The following CCSER2 variants were observed in gnomAD, a reference collection of about 807,000 sequenced individuals.
CCSER2 encodes the protein coiled-coil serine rich protein 2.
A neutral mutation model predicts 92.3 loss-of-function variants in CCSER2; 46 were observed. The observed-to-expected ratio is 0.50, with a 90% CI of 0.39 to 0.64. CCSER2 has a LOEUF of 0.64. CCSER2 is among the 30% of genes least tolerant of loss of function. The pLI, the probability that CCSER2 is intolerant of heterozygous loss-of-function variation, is 0.00. For synonymous variants in CCSER2, 433 were observed against 431.4 expected, an observed-to-expected ratio of 1.00 and a Z score of -0.04; for missense variants, 1,244 against 1,238.9, an observed-to-expected ratio of 1.00 and a Z score of -0.06.
At chr10:84,391,781 A>T in intron 3 of CCSER2, 2 of 1,566,312 alleles carry the variant, frequency 1.3e-6, no homozygotes, top group Non-Finnish European at 8.8e-7. Flanking sequence ...TTTCTGAGAA[A>T]CATAAGAGAC....
chr10:84,447,065 A>G (rs996084235), intron 6 of CCSER2, among the ~76,000 whole-genome samples: 5 of 149,284 alleles, frequency 3.3e-5, no homozygotes, highest in Admixed American at 6.7e-5. Context: ...TAATATTCCT[A>G]TGAACATTTT....
In CCSER2 at chr10:84,502,388, T is replaced by C. The variant is rs1001924354; in HGVS notation, c.2326-11061T>C. ...ACTTCTTTTTTTTTTTTTTTTTTTT[T>C]GAGACAAGAGTCTTGCTCTGTTGCC... On this transcript the variant is annotated intron_variant, in intron 9 of 9. Coordinates refer to ENST00000372088, the MANE Select transcript of CCSER2 (RefSeq NM_001284240.2). 2.2e-3 allele frequency among the ~76,000 whole-genome samples: 316 copies of C among 144,032 alleles called. 1 individual carries two copies. Among genetic ancestry groups the C allele is most frequent in the African/African-American group, 7.5e-3 (300 of 40,124 alleles). 94.5% of individuals were successfully genotyped at this position (144,032 alleles called of 152,430 possible). A position where few individuals can be genotyped will look rare whatever the true frequency, so the allele number is the denominator to read the frequency against.
intron 3 of CCSER2, among the ~76,000 whole-genome samples, chr10:84,406,086 C>T (rs1272829636): frequency 2.0e-5 from 3 of 152,174 alleles, no homozygotes; most frequent in Non-Finnish European, 4.4e-5. Context: ...ACTGTACATT[C>T]GCAGTGGAAT....
At chr10:84,512,395 T>TGTGTGAGA (rs1554872145) in intron 9 of CCSER2, among the ~76,000 whole-genome samples, 1 of 129,740 alleles carries the variant, frequency 7.7e-6, no homozygotes, top group African/African-American at 2.8e-5. Context: ...TGTGTGTGTG[T>TGTGTGAGA]GAGAGAGAGA....
Position 84,358,665 on chromosome 10 carries a change from TAC to T in CCSER2, c.-39-12347_-39-12346del, listed in dbSNP as rs200258694. On this transcript the variant is annotated intron_variant, in intron 1 of 9. Transcript: ENST00000372088. ...ATATATGTGTATATATATATACATA[TAC>T]ATATATGTATATATATATACACACA... Among the ~76,000 whole-genome samples, 420 of 147,498 alleles carry T rather than the reference TAC, an allele frequency of 2.8e-3. 2 individuals carry two copies. Among genetic ancestry groups the T allele is most frequent in the African/African-American group, 9.3e-3 (372 of 40,026 alleles).
intron 6 of CCSER2, among the ~76,000 whole-genome samples, chr10:84,456,979 G>T (rs1845662692): frequency 6.6e-6 from 1 of 150,766 alleles, no homozygotes; most frequent in African/African-American, 2.4e-5. Flanking sequence ...CCTTTATTAG[G>T]TATGTAAGTG....
chr10:84,473,100 T>C (rs1846917254), intron 8 of CCSER2: 1 of 152,226 alleles, frequency 6.6e-6, no homozygotes, highest in Non-Finnish European at 1.5e-5. Context: ...TAAGAAATAT[T>C]GAAGAGCATC....
At chr10:84,494,896 C>A (rs1296976235) in intron 9 of CCSER2, among the ~76,000 whole-genome samples, 2 of 151,966 alleles carry the variant, frequency 1.3e-5, no homozygotes, top group Admixed American at 6.6e-5. Flanking sequence ...TTGGGTGAGT[C>A]CACAGAGTAA....
intron 3 of CCSER2, among the ~76,000 whole-genome samples, chr10:84,388,519 T>G (rs1366176264): frequency 6.6e-6 from 1 of 152,190 alleles, no homozygotes; most frequent in Non-Finnish European, 1.5e-5. Context: ...TTGTACCTAT[T>G]AAAAAGTGAC....
intron 5 of CCSER2, among the ~76,000 whole-genome samples, chr10:84,437,851 T>C (rs1011576714): frequency 6.6e-5 from 10 of 152,082 alleles, no homozygotes; most frequent in Non-Finnish European, 1.2e-4. Context: ...TAACTAGGAT[T>C]ACAGGCACGT....
At chr10:84,397,494 G>C (rs367863083) in intron 3 of CCSER2, among the ~76,000 whole-genome samples, 142 of 152,236 alleles carry the variant, frequency 9.3e-4, no homozygotes, top group African/African-American at 3.3e-3. Flanking sequence ...TAAAGGAATT[G>C]AGGTCACTCA....
chr10:84,404,250 A>G, intron 3 of CCSER2, among the ~76,000 whole-genome samples: 1 of 152,180 alleles, frequency 6.6e-6, no homozygotes. Context: ...CTGTAATTTC[A>G]CTATGCCAAC....
Position 84,372,231 on chromosome 10 carries a change from T to C in CCSER2, c.1179T>C (p.Asp393=), listed in dbSNP as rs776124140. The change falls in exon 2 of 10, where the codon GAT becomes GAC. Residue 393 remains aspartate, a synonymous_variant. Transcript: ENST00000372088. The stretch of plus-strand genomic sequence containing the variant: ...CTAAAATGAGATACCTGAGTGATGA[T>C]GTGGATGACATTTCCTTGTCGTCTT... ...HDAKMRYLSD[D]VDDISLSSLS... The C allele has an allele frequency of 8.7e-6, 14 of 1,613,348 alleles. No homozygotes were observed. In the South Asian group the frequency reaches 1.4e-4, roughly 16 times the overall value.
chr10:84,471,214 C>T (rs1236949591), intron 8 of CCSER2, among the ~76,000 whole-genome samples: 1 of 151,814 alleles, frequency 6.6e-6, no homozygotes, highest in African/African-American at 2.4e-5. Context: ...CACGGAGATC[C>T]ATTTCATGAA....
At chr10:84,488,278 T>G (rs941833039) in intron 9 of CCSER2, among the ~76,000 whole-genome samples, 7 of 151,884 alleles carry the variant, frequency 4.6e-5, no homozygotes, top group Admixed American at 3.3e-4. Flanking sequence ...GAGGGTTCCC[T>G]CTTTTTCTAT....
intron 1 of CCSER2, among the ~76,000 whole-genome samples, chr10:84,346,230 A>G (rs1480110722): frequency 1.3e-5 from 2 of 151,996 alleles, no homozygotes; most frequent in African/African-American, 4.8e-5. Flanking sequence ...TCGCCTGGCT[A>G]ATTTTGTACT....
chr10:84,512,563 A>G (rs1401665941), intron 9 of CCSER2, among the ~76,000 whole-genome samples: 1 of 152,188 alleles, frequency 6.6e-6, no homozygotes, highest in Non-Finnish European at 1.5e-5. Flanking sequence ...TGGAAATGGC[A>G]TAGTTCCTCT....
In CCSER2 at chr10:84,479,035, A is replaced by G. The variant is rs894482516; in HGVS notation, c.2325+1371A>G. 5.9e-5 allele frequency among the ~76,000 whole-genome samples: 9 copies of G among 152,234 alleles called. No homozygotes were observed. The South Asian group carries it at 1.7e-3, about 28-fold the overall frequency. The stretch of plus-strand genomic sequence containing the variant: ...GGATGTTATGCCTTATAATTGTACT[A>G]CTAAGAAGACTGGTGATTCCATTAA... On this transcript the variant is annotated intron_variant, in intron 9 of 9. Coordinates refer to ENST00000372088, the MANE Select transcript of CCSER2 (RefSeq NM_001284240.2).
chr10:84,339,117 T>G (rs995252768), intron 1 of CCSER2, among the ~76,000 whole-genome samples: 3 of 129,596 alleles, frequency 2.3e-5, no homozygotes, highest in Non-Finnish European at 4.6e-5. Flanking sequence ...TCTTTTCTTT[T>G]TTTTTTGTTT....
Sources: gnomAD v4.1 joint callset for allele counts (sites outside exome capture counted in the v4.1 genomes callset) on GRCh38, gnomAD v4.1.1 for gene constraint, MANE v1.5 for transcripts, NCBI Gene and HGNC (gene_info 2026-07-23, HGNC 2026-07-21) for gene names.